The following PLCH1 variants were observed in gnomAD, a reference collection of about 807,000 sequenced individuals.
PLCH1 encodes 1-phosphatidylinositol 4,5-bisphosphate phosphodiesterase eta-1.
In PLCH1, 60 loss-of-function variants were observed where a neutral mutation model predicts 126.7. That is an observed-to-expected ratio of 0.47 (90% CI 0.38 to 0.59). PLCH1 has a LOEUF of 0.59. Ranked by LOEUF, PLCH1 falls within the 20% of genes least tolerant of loss-of-function variation. PLCH1 has a pLI of 0.00. For synonymous variants in PLCH1, 719 were observed against 734.9 expected, an observed-to-expected ratio of 0.98 and a Z score of 0.35; for missense variants, 1,723 against 2,040.0, an observed-to-expected ratio of 0.84 and a Z score of 2.99.
At chr3:155,468,372 C>T (rs1204564290) in intron 21 of PLCH1, among the ~76,000 whole-genome samples, 3 of 152,032 alleles carry the variant, frequency 2.0e-5, no homozygotes, top group African/African-American at 7.2e-5. Flanking sequence ...AACCAGAAAA[C>T]GAACAACAAA....
At chr3:155,649,357 T>C (rs183793546) in intron 2 of PLCH1, among the ~76,000 whole-genome samples, 1 of 152,158 alleles carries the variant, frequency 6.6e-6, no homozygotes, top group Admixed American at 6.5e-5. Flanking sequence ...AATAATAACC[T>C]GATCACGAAA....
Position 155,488,114 on chromosome 3 carries a change from A to T in PLCH1, c.2540-7T>A. ...AAATAGACATGCCGGTAGCCTGATA[A>T]AAGGAAAGAGAGTCGTTTCTTTTTA... On this transcript the variant is annotated splice_region_variant and splice_polypyrimidine_tract_variant and intron_variant, in intron 20 of 22. Transcript: ENST00000460012. 6.3e-7 allele frequency: 1 copy of T among 1,590,686 alleles called. No homozygotes were observed. The highest frequency in any genetic ancestry group is 8.6e-7 in the Non-Finnish European group (1 of 1,158,622).
At chr3:155,508,516 T>C (rs1404789044) in intron 12 of PLCH1, among the ~76,000 whole-genome samples, 15 of 127,248 alleles carry the variant, frequency 1.2e-4, no homozygotes, top group Non-Finnish European at 2.4e-4. Context: ...CTTATTATTT[T>C]GAAATACGTC....
At chr3:155,532,191 CT>C (rs1367364238) in intron 10 of PLCH1, among the ~76,000 whole-genome samples, 7 of 152,196 alleles carry the variant, frequency 4.6e-5, no homozygotes, top group African/African-American at 1.7e-4. Context: ...GCAGGACTAA[CT>C]TGCAGCTCCC....
intron 1 of PLCH1, among the ~76,000 whole-genome samples, chr3:155,720,686 C>A (rs1358908063): frequency 6.6e-6 from 1 of 152,100 alleles, no homozygotes; most frequent in African/African-American, 2.4e-5. Flanking sequence ...GTTTACCCTG[C>A]TGATTATTTC....
chr3:155,668,347 A>G (rs530897119), intron 2 of PLCH1, among the ~76,000 whole-genome samples: 1 of 152,286 alleles, frequency 6.6e-6, no homozygotes, highest in East Asian at 1.9e-4. Context: ...CTAGCCCAAC[A>G]CAAGAGGTAG....
At chr3:155,605,446 G>A (rs1734237749) in intron 2 of PLCH1, among the ~76,000 whole-genome samples, 1 of 152,158 alleles carries the variant, frequency 6.6e-6, no homozygotes, top group Non-Finnish European at 1.5e-5. Context: ...CTTTTGGATT[G>A]AGTTGCTATT....
At chr3:155,484,284 T>C (rs1464898347) in intron 22 of PLCH1, among the ~76,000 whole-genome samples, 1 of 152,230 alleles carries the variant, frequency 6.6e-6, no homozygotes, top group East Asian at 1.9e-4. Flanking sequence ...TTCTACTGAA[T>C]ATAGCTTTAT....
chr3:155,467,579 A>AC (rs1487211849), intron 21 of PLCH1, among the ~76,000 whole-genome samples: 1 of 152,060 alleles, frequency 6.6e-6, no homozygotes, highest in African/African-American at 2.4e-5. Flanking sequence ...TGTCTCAAAA[A>AC]AAAAAAAAAT....
intron 2 of PLCH1, among the ~76,000 whole-genome samples, chr3:155,665,604 T>C (rs1742637705): frequency 1.3e-5 from 2 of 152,174 alleles, no homozygotes; most frequent in African/African-American, 4.8e-5. Context: ...GATCTGCCTC[T>C]AGCACACTCA....
chr3:155,571,695 G>A (rs1182117856), intron 6 of PLCH1, among the ~76,000 whole-genome samples: 3 of 152,096 alleles, frequency 2.0e-5, no homozygotes, highest in East Asian at 1.9e-4. Flanking sequence ...CACCGCACCC[G>A]GCCATCTTTC....
intron 1 of PLCH1, among the ~76,000 whole-genome samples, chr3:155,712,701 T>C (rs1747220847): frequency 6.6e-6 from 1 of 151,950 alleles, no homozygotes; most frequent in Admixed American, 6.6e-5. Flanking sequence ...GGTGGCACTA[T>C]TGCACTCCAG....
chr3:155,529,558 T>G (rs766279024), intron 10 of PLCH1, among the ~76,000 whole-genome samples: 4 of 152,148 alleles, frequency 2.6e-5, no homozygotes, highest in Non-Finnish European at 5.9e-5. Context: ...TGTAGCCTAT[T>G]AAGTGTGCAA....
intron 1 of PLCH1, among the ~76,000 whole-genome samples, chr3:155,715,896 A>C (rs991298908): frequency 4.6e-5 from 7 of 152,074 alleles, no homozygotes; most frequent in African/African-American, 1.7e-4. Context: ...GAGCCACTGC[A>C]CTTAGCCTTC....
At chr3:155,527,120 C>T (rs752747824) in intron 10 of PLCH1, among the ~76,000 whole-genome samples, 1 of 152,184 alleles carries the variant, frequency 6.6e-6, no homozygotes, top group Non-Finnish European at 1.5e-5. Flanking sequence ...TGATTGGTGG[C>T]TTCTAGATGG....
At chr3:155,635,768 G>A (rs1047229531) in intron 2 of PLCH1, among the ~76,000 whole-genome samples, 3 of 152,112 alleles carry the variant, frequency 2.0e-5, no homozygotes, top group Non-Finnish European at 4.4e-5. Flanking sequence ...ATTAATTACT[G>A]ATTTTCCTTA....
At chr3:155,690,790 C>G (rs1745322211) in intron 2 of PLCH1, among the ~76,000 whole-genome samples, 1 of 152,192 alleles carries the variant, frequency 6.6e-6, no homozygotes, top group Non-Finnish European at 1.5e-5. Context: ...CTCCAGAGGA[C>G]TAATACCCAA....
At chr3:155,640,577 G>A (rs573452406) in intron 2 of PLCH1, among the ~76,000 whole-genome samples, 1 of 152,158 alleles carries the variant, frequency 6.6e-6, no homozygotes, top group East Asian at 1.9e-4. Flanking sequence ...ATTGTCCCAG[G>A]GAAGTATCTG....
intron 7 of PLCH1, among the ~76,000 whole-genome samples, chr3:155,567,962 A>G (rs1406253386): frequency 6.6e-6 from 1 of 152,208 alleles, no homozygotes; most frequent in Non-Finnish European, 1.5e-5. Context: ...AAAAGCCCAA[A>G]TATGTCATGG....
Sources: allele counts gnomAD v4.1 joint callset (sites outside exome capture counted in the v4.1 genomes callset), GRCh38; gene constraint gnomAD v4.1.1; transcripts MANE v1.5; gene names NCBI Gene and HGNC (gene_info 2026-07-23, HGNC 2026-07-21).